Variants in CDH13 observed in about 807,000 individuals in gnomAD.
The protein encoded by CDH13 is cadherin-13.
In CDH13, 24 loss-of-function variants were observed where a neutral mutation model predicts 63.8. The ratio of observed to expected loss-of-function variants is 0.38; its 90% CI spans 0.27 to 0.53. The LOEUF (loss-of-function observed/expected upper bound fraction) is 0.53. Among genes scored for constraint, CDH13 ranks in the 20% least tolerant of loss-of-function variants. The pLI is 0.85. For synonymous variants in CDH13, 503 were observed against 355.3 expected, an observed-to-expected ratio of 1.42 and a Z score of -4.67; for missense variants, 1,049 against 903.1, an observed-to-expected ratio of 1.16 and a Z score of -2.07.
At chr16:82,723,596 G>C (rs1003071763) in intron 1 of CDH13, among the ~76,000 whole-genome samples, 1 of 152,160 alleles carries the variant, frequency 6.6e-6, no homozygotes, top group Non-Finnish European at 1.5e-5. Flanking sequence ...CCACAAGATG[G>C]AAAGAGGAGT....
At chr16:82,748,088 T>C (rs990082908) in intron 1 of CDH13, among the ~76,000 whole-genome samples, 1 of 152,200 alleles carries the variant, frequency 6.6e-6, no homozygotes, top group Non-Finnish European at 1.5e-5. Context: ...TTGTTCTCTT[T>C]GCCCCCAGTC....
At chr16:83,157,841 A>T (rs1006156836) in intron 4 of CDH13, among the ~76,000 whole-genome samples, 4 of 151,502 alleles carry the variant, frequency 2.6e-5, no homozygotes, top group African/African-American at 9.7e-5. Context: ...TGAACCTGGG[A>T]GGCAGAGGTT....
intron 1 of CDH13, among the ~76,000 whole-genome samples, chr16:82,832,505 G>C (rs2038587422): frequency 1.3e-5 from 2 of 151,526 alleles, no homozygotes; most frequent in Admixed American, 1.3e-4. Context: ...TAAAAATCTG[G>C]ATGAAAATAA....
intron 8 of CDH13, among the ~76,000 whole-genome samples, chr16:83,623,558 AC>A (rs1910007312): frequency 6.6e-6 from 1 of 152,078 alleles, no homozygotes; most frequent in African/African-American, 2.4e-5. Context: ...AATCTAACAA[AC>A]AGCACTTTTT....
intron 7 of CDH13, among the ~76,000 whole-genome samples, chr16:83,541,935 C>G (rs1363519195): frequency 6.6e-6 from 1 of 152,188 alleles, no homozygotes; most frequent in African/African-American, 2.4e-5. Flanking sequence ...ATCATTGTAC[C>G]CATTCCCTAG....
intron 1 of CDH13, among the ~76,000 whole-genome samples, chr16:82,758,479 G>A (rs1225018621): frequency 2.0e-5 from 3 of 151,158 alleles, no homozygotes; most frequent in Non-Finnish European, 4.4e-5. Flanking sequence ...CTTTCCAGCT[G>A]AGCAGTCTTC....
At chr16:83,595,398 T>C (rs1598346002) in intron 7 of CDH13, among the ~76,000 whole-genome samples, 1 of 152,226 alleles carries the variant, frequency 6.6e-6, no homozygotes, top group African/African-American at 2.4e-5. Context: ...AAAGGCATGG[T>C]CCTTGCCCTT....
chr16:83,131,126 T>C (rs1366880616), intron 4 of CDH13, among the ~76,000 whole-genome samples: 2 of 149,092 alleles, frequency 1.3e-5, no homozygotes, highest in African/African-American at 5.0e-5. Flanking sequence ...AACCCTGAGA[T>C]TCCAAATCAC....
chr16:82,797,210 T>G (rs2036624679), intron 1 of CDH13, among the ~76,000 whole-genome samples: 1 of 152,230 alleles, frequency 6.6e-6, no homozygotes, highest in South Asian at 2.1e-4. Flanking sequence ...CAGTTGCTTC[T>G]GAATACGGTT....
At chr16:83,252,259 C>T (rs936761978) in intron 5 of CDH13, among the ~76,000 whole-genome samples, 7 of 94,872 alleles carry the variant, frequency 7.4e-5, no homozygotes, top group African/African-American at 2.3e-4. Context: ...GTGTTTGCTA[C>T]ATCTTTTTTT....
At chr16:83,590,352 G>C (rs951988969) in intron 7 of CDH13, among the ~76,000 whole-genome samples, 3 of 152,124 alleles carry the variant, frequency 2.0e-5, no homozygotes, top group Admixed American at 6.5e-5. Flanking sequence ...AGGAAGGGGA[G>C]GTAAAATCAG....
intron 7 of CDH13, among the ~76,000 whole-genome samples, chr16:83,512,946 C>T (rs76585301): frequency 2.6e-5 from 4 of 151,998 alleles, no homozygotes; most frequent in Admixed American, 1.3e-4. Flanking sequence ...TCTGATCAAG[C>T]CCTGCAAGCT....
At chr16:82,966,908 C>A (rs761742520) in intron 2 of CDH13, among the ~76,000 whole-genome samples, 1 of 152,148 alleles carries the variant, frequency 6.6e-6, no homozygotes, top group Non-Finnish European at 1.5e-5. Context: ...ATCTAATCAA[C>A]ACACTTAATT....
At position 83,782,291 on chromosome 16, in the gene CDH13, C is replaced by T. The variant is rs1157179465; in HGVS notation, c.1916-963C>T. The stretch of plus-strand genomic sequence containing the variant: ...TAAAGAATAGGCCAGCTGGTGCAGC[C>T]ACTGCCAAGTGTCACCCAGGGGCCT... On this transcript the variant is annotated intron_variant, in intron 12 of 13. Coordinates refer to ENST00000567109, the MANE Select transcript of CDH13 (RefSeq NM_001257.5). Among the ~76,000 whole-genome samples the T allele has an allele frequency of 2.6e-5, 4 of 152,128 alleles. No homozygotes were observed. In the East Asian group the frequency reaches 7.7e-4, roughly 29 times the overall value.
chr16:83,244,982 A>C (rs1304530959), intron 5 of CDH13, among the ~76,000 whole-genome samples: 1 of 152,016 alleles, frequency 6.6e-6, no homozygotes, highest in Admixed American at 6.6e-5. Context: ...ACGTTGAGCC[A>C]CTCTTATCAG....
At chr16:83,489,786 G>A (rs1299149962) in intron 7 of CDH13, among the ~76,000 whole-genome samples, 3 of 152,124 alleles carry the variant, frequency 2.0e-5, no homozygotes, top group African/African-American at 7.2e-5. Flanking sequence ...CTACTTCTCA[G>A]CCAGATGGGC....
intron 1 of CDH13, among the ~76,000 whole-genome samples, chr16:82,793,527 C>T (rs1012934325): frequency 5.3e-5 from 8 of 152,172 alleles, no homozygotes; most frequent in Admixed American, 5.2e-4. Flanking sequence ...AGACCGTTCT[C>T]CTGAATGGTT....
intron 1 of CDH13, chr16:82,727,582 C>G (rs542579436): frequency 6.6e-6 from 1 of 152,292 alleles, no homozygotes; most frequent in African/African-American, 2.4e-5. Context: ...GGTAAGAGCT[C>G]ATCCCATTTA....
intron 1 of CDH13, among the ~76,000 whole-genome samples, chr16:82,667,222 G>T (rs1332262686): frequency 6.6e-6 from 1 of 152,176 alleles, no homozygotes; most frequent in Non-Finnish European, 1.5e-5. Flanking sequence ...ACTTAGCTGG[G>T]TATCCCATAA....
Sources: gnomAD v4.1 joint callset for allele counts (sites outside exome capture counted in the v4.1 genomes callset) on GRCh38, gnomAD v4.1.1 for gene constraint, MANE v1.5 for transcripts, NCBI Gene and HGNC (gene_info 2026-07-23, HGNC 2026-07-21) for gene names.